Variants in RYR2 observed in about 807,000 individuals in gnomAD.
The protein encoded by RYR2 is ryanodine receptor 2.
Under a neutral mutation model 601.1 loss-of-function variants are expected in RYR2, and 227 were observed. The observed-to-expected ratio is 0.38, with a 90% CI of 0.34 to 0.42. The LOEUF (loss-of-function observed/expected upper bound fraction) is 0.42. RYR2 is among the 10% of genes least tolerant of loss of function. The pLI is 1.00. For synonymous variants in RYR2, 2,223 were observed against 2,175.1 expected (o/e 1.02, Z -0.61); for missense variants, 4,646 against 6,156.5 (o/e 0.75, Z 8.21).
At chr1:237,183,258 G>C (rs1678989741) in intron 1 of RYR2, among the ~76,000 whole-genome samples, 1 of 152,150 alleles carries the variant, frequency 6.6e-6, no homozygotes, top group Non-Finnish European at 1.5e-5. Flanking sequence ...TAGAATCCTA[G>C]GGCAAGCTAT....
chr1:237,520,620 A>G (rs958679146), intron 24 of RYR2, among the ~76,000 whole-genome samples: 2 of 152,158 alleles, frequency 1.3e-5, no homozygotes, highest in African/African-American at 4.8e-5. Context: ...TGATTTGCAG[A>G]TGTTGAACCA....
chr1:237,492,628 G>GCCAGGAGTTTGAGA (rs1360032466), intron 18 of RYR2, among the ~76,000 whole-genome samples: 2 of 152,014 alleles, frequency 1.3e-5, no homozygotes, highest in Non-Finnish European at 2.9e-5. Flanking sequence ...GTTGCTTGAG[G>GCCAGGAGTTTGAGA]CCAGGAGTTT....
chr1:237,776,396 TG>T (rs988059594), intron 87 of RYR2, among the ~76,000 whole-genome samples: 1 of 152,232 alleles, frequency 6.6e-6, no homozygotes, highest in African/African-American at 2.4e-5. Context: ...AGACTTGCTT[TG>T]TCGACCATTT....
rs949956300 is a variant in RYR2 at position 237,089,231 on chromosome 1, A to G, written c.48+46662A>G. Among the ~76,000 whole-genome samples, 14 of 152,212 alleles carry G rather than the reference A, an allele frequency of 9.2e-5. 1 individual carries two copies. Among genetic ancestry groups the G allele is most frequent in the African/African-American group, 3.4e-4 (14 of 41,460 alleles). The stretch of plus-strand genomic sequence containing the variant: ...AACGGAGTTCAGATTAATTTTTCTT[A>G]CACATAAATGAAGAAAGCTAATATC... On this transcript the variant is annotated intron_variant, in intron 1 of 104. Transcript: ENST00000366574.
chr1:237,801,367 C>CA (rs71162423), intron 97 of RYR2, among the ~76,000 whole-genome samples: 1,497 of 95,326 alleles, frequency 0.016, 21 homozygotes, highest in Middle Eastern at 0.035. Context: ...CCCATCTCTA[C>CA]AAAAAAAAAA....
chr1:237,792,502 G>A (rs1328263069), intron 94 of RYR2, among the ~76,000 whole-genome samples, 179 bp downstream of exon 94: 1 of 151,728 alleles, frequency 6.6e-6, no homozygotes, highest in East Asian at 1.9e-4. Flanking sequence ...AATGCTCCAT[G>A]AATCAACATG....
At chr1:237,224,233 T>C (rs1486971374) in intron 1 of RYR2, among the ~76,000 whole-genome samples, 6 of 152,206 alleles carry the variant, frequency 3.9e-5, no homozygotes, top group African/African-American at 1.4e-4. Flanking sequence ...CTGCATAGTC[T>C]AGAAGTATCA....
At chr1:237,763,155 G>C (rs777290567) in intron 84 of RYR2, among the ~76,000 whole-genome samples, 4 of 152,138 alleles carry the variant, frequency 2.6e-5, no homozygotes, top group Admixed American at 6.5e-5. Flanking sequence ...AGATATGAAG[G>C]GGCAACAAGC....
At chr1:237,118,018 T>C (rs1272788122) in intron 1 of RYR2, among the ~76,000 whole-genome samples, 1 of 152,206 alleles carries the variant, frequency 6.6e-6, no homozygotes, top group African/African-American at 2.4e-5. Flanking sequence ...AGTGTTGGGA[T>C]TACAGGCGTG....
intron 48 of RYR2, among the ~76,000 whole-genome samples, chr1:237,648,105 C>T (rs1278257783): frequency 6.6e-6 from 1 of 152,114 alleles, no homozygotes; most frequent in East Asian, 1.9e-4. Context: ...GTGAACATCC[C>T]CACTTCACAT....
chr1:237,736,232 G>A (rs1164781405), intron 79 of RYR2, among the ~76,000 whole-genome samples: 3 of 151,968 alleles, frequency 2.0e-5, no homozygotes, highest in African/African-American at 7.2e-5. Context: ...AGGCCGAGGC[G>A]GATGGATCAT....
chr1:237,429,566 A>G (rs908782809), intron 12 of RYR2, among the ~76,000 whole-genome samples: 1 of 152,098 alleles, frequency 6.6e-6, no homozygotes, highest in African/African-American at 2.4e-5. Context: ...TGATCTCTCA[A>G]AATCCTCCCT....
At chr1:237,087,921 A>G (rs72764032) in intron 1 of RYR2, among the ~76,000 whole-genome samples, 1,961 of 152,350 alleles carry the variant, frequency 0.013, 22 homozygotes, top group Non-Finnish European at 0.02. Flanking sequence ...ATTCAACACA[A>G]TTAGTTCTCT....
At chr1:237,148,559 C>CATATATATATATATATATAA (rs1271295017) in intron 1 of RYR2, among the ~76,000 whole-genome samples, 1 of 109,306 alleles carries the variant, frequency 9.1e-6, no homozygotes, top group African/African-American at 3.4e-5. Context: ...TATATACACA[C>CATATATATATATATATATAA]ACACATATAT....
intron 17 of RYR2, among the ~76,000 whole-genome samples, chr1:237,482,427 G>A (rs534134690): frequency 3.9e-5 from 6 of 151,914 alleles, no homozygotes; most frequent in Non-Finnish European, 7.4e-5. Context: ...TTGATTTTTA[G>A]ATCTCGCAAA....
chr1:237,393,806 T>G (rs1434959362), intron 10 of RYR2, among the ~76,000 whole-genome samples: 6 of 152,180 alleles, frequency 3.9e-5, no homozygotes, highest in Non-Finnish European at 8.8e-5. Flanking sequence ...TTGCAGAGAG[T>G]GCAGTAGCTG....
chr1:237,785,051 A>T (rs2149357322), intron 90 of RYR2, 79 bp downstream of exon 90: 1 of 1,030,168 alleles, frequency 9.7e-7, no homozygotes, highest in Non-Finnish European at 1.5e-6. Context: ...ACCAGGTTTC[A>T]TGCTAGTGCC....
At chr1:237,542,187 G>T (rs1572797563) in intron 25 of RYR2, among the ~76,000 whole-genome samples, 1 of 152,038 alleles carries the variant, frequency 6.6e-6, no homozygotes, top group South Asian at 2.1e-4. Context: ...TCCGCCTCCC[G>T]GGTTCAAGCG....
chr1:237,501,372 T>C (rs1224580790), intron 21 of RYR2, among the ~76,000 whole-genome samples: 1 of 152,162 alleles, frequency 6.6e-6, no homozygotes, highest in Non-Finnish European at 1.5e-5. Context: ...TCAGTGTTCC[T>C]CTCCACCTTT....
Sources: gnomAD v4.1 joint callset for allele counts (sites outside exome capture counted in the v4.1 genomes callset) on GRCh38, gnomAD v4.1.1 for gene constraint, MANE v1.5 for transcripts, NCBI Gene and HGNC (gene_info 2026-07-23, HGNC 2026-07-21) for gene names.